The following C2orf74 variants were observed in gnomAD, a reference collection of about 807,000 sequenced individuals.
C2orf74 encodes DPM1 ER membrane anchor 1, also known as uncharacterized protein C2orf74.
In C2orf74, 14 loss-of-function variants were observed where a neutral mutation model predicts 17.9. The ratio of observed to expected loss-of-function variants is 0.78; its 90% CI spans 0.52 to 1.22. The LOEUF (loss-of-function observed/expected upper bound fraction) is 1.22, where lower values mean the gene tolerates loss of function less well. Ranked by LOEUF, C2orf74 falls within the 50% of genes most tolerant of loss-of-function variation. The pLI is 0.00. For synonymous variants in C2orf74, 79 were observed against 72.6 expected, an observed-to-expected ratio of 1.09 and a Z score of -0.44; for missense variants, 217 against 218.4, an observed-to-expected ratio of 0.99 and a Z score of 0.04.
intron 1 of C2orf74, among the ~76,000 whole-genome samples, chr2:61,156,489 A>T (rs969895046): frequency 2.0e-5 from 3 of 152,232 alleles, no homozygotes; most frequent in Non-Finnish European, 4.4e-5. Flanking sequence ...TAAACTTTGA[A>T]AATAAAACAT....
chr2:61,149,605 GT>G (rs1685167952), intron 1 of C2orf74, among the ~76,000 whole-genome samples: 3 of 118,110 alleles, frequency 2.5e-5, no homozygotes, highest in Non-Finnish European at 5.0e-5. Context: ...TTTTGAGACA[GT>G]TTCGCTCTGT....
At chr2:61,146,331 T>A (rs1183999596) in intron 1 of C2orf74, among the ~76,000 whole-genome samples, 1 of 151,968 alleles carries the variant, frequency 6.6e-6, no homozygotes, top group Non-Finnish European at 1.5e-5. Flanking sequence ...TAAATGAGAG[T>A]CATATGATCC....
At chr2:61,146,169 A>G (rs145250323) in intron 1 of C2orf74, among the ~76,000 whole-genome samples, 1 of 152,376 alleles carries the variant, frequency 6.6e-6, no homozygotes, top group East Asian at 1.9e-4. Flanking sequence ...ACTACAGTAC[A>G]TACACACAAT....
upstream of C2orf74, among the ~76,000 whole-genome samples, chr2:61,159,691 T>A (rs918784926): frequency 6.6e-6 from 1 of 152,132 alleles, no homozygotes; most frequent in Non-Finnish European, 1.5e-5. Context: ...GAACAAAGGG[T>A]GGAGATTGAA....
intron 1 of C2orf74, among the ~76,000 whole-genome samples, chr2:61,151,067 C>T (rs746913580): frequency 6.6e-6 from 1 of 152,036 alleles, no homozygotes; most frequent in Non-Finnish European, 1.5e-5. Context: ...CCTGTAATCC[C>T]AGCACTTTGG....
At chr2:61,155,131 T>TA (rs1166563547) in intron 1 of C2orf74, among the ~76,000 whole-genome samples, 1 of 152,130 alleles carries the variant, frequency 6.6e-6, no homozygotes, top group Middle Eastern at 3.2e-3. Context: ...AAGTTCCCAA[T>TA]AAAAATAAGT....
chr2:61,147,970 T>C (rs1351407172), intron 1 of C2orf74, among the ~76,000 whole-genome samples: 2 of 151,686 alleles, frequency 1.3e-5, no homozygotes, highest in African/African-American at 2.4e-5. Flanking sequence ...GGTTTTGCCA[T>C]GTTGCCCAGG....
At chr2:61,164,280 A>G in intron 4 of C2orf74, 74 bp from the exon 5 acceptor site, 3 of 1,263,912 alleles carry the variant, frequency 2.4e-6, no homozygotes, top group Non-Finnish European at 3.2e-6. Context: ...GTGTACATAT[A>G]ACCTGTAATT....
intron 1 of C2orf74, among the ~76,000 whole-genome samples, chr2:61,146,869 G>C (rs893775103): frequency 1.3e-5 from 2 of 151,488 alleles, no homozygotes; most frequent in African/African-American, 2.4e-5. Context: ...AAAAACTGGA[G>C]GCTGGGTGTG....
Position 61,164,436 on chromosome 2 carries a change from T to C in C2orf74, c.473T>C (p.Val158Ala), listed in dbSNP as rs775248295. The C allele has an allele frequency of 3.2e-6, 5 of 1,550,982 alleles. No individual in the cohort carries two copies. Among genetic ancestry groups the C allele is most frequent in the South Asian group, 1.2e-5 (1 of 83,980 alleles). The change falls in exon 5 of 5, where the codon GTG becomes GCG. Residue 158 changes from valine (V) to alanine (A), a missense_variant. Physicochemically the swap from Val to Ala is moderately conservative, Grantham distance 64. Coordinates refer to ENST00000432605, the MANE Select transcript of C2orf74 (RefSeq NM_001143959.4). ...AGCCAAAAAAGACCTTTAAAAGGAG[T>C]GACATTTTCTAGGGAGGTAATTGTT... The part of the protein sequence containing the change: ...VESQKRPLKG[V>A]TFSREVIVVD...
Position 61,164,766 on chromosome 2 carries a change from C to T in C2orf74, c.*239C>T, listed in dbSNP as rs990131741. 8.9e-6 allele frequency: 3 copies of T among 336,866 alleles called. No homozygotes were observed. The South Asian group carries it at 1.8e-4, about 20-fold the overall frequency. The allele number at this position is 336,866 out of a possible 1,614,324, so 20.9% of individuals were successfully genotyped here. ...AGTTCAAGAAATTGATTGTATTGCC[C>T]TTAAAACTATCTACTCAAACACTGT... On this transcript the variant is annotated 3_prime_UTR_variant, in exon 5 of 5. Coordinates refer to ENST00000432605, the MANE Select transcript of C2orf74 (RefSeq NM_001143959.4).
At chr2:61,150,496 T>C (rs1457957832) in intron 1 of C2orf74, among the ~76,000 whole-genome samples, 1 of 152,302 alleles carries the variant, frequency 6.6e-6, no homozygotes, top group African/African-American at 2.4e-5. Flanking sequence ...ATGGGCCTCC[T>C]GGACAGAAAC....
intron 1 of C2orf74, among the ~76,000 whole-genome samples, chr2:61,148,583 T>TTA (rs1466427930): frequency 1.3e-5 from 2 of 152,232 alleles, no homozygotes; most frequent in African/African-American, 4.8e-5. Flanking sequence ...ACACTAATGT[T>TTA]TATTACTCAT....
At chr2:61,162,185 TC>T, upstream of C2orf74, 1 of 296,830 alleles carries the variant, frequency 3.4e-6, no homozygotes, top group Non-Finnish European at 6.2e-6. Flanking sequence ...CTCCAGCTGT[TC>T]CGATTCCTCT....
upstream of C2orf74, among the ~76,000 whole-genome samples, chr2:61,161,342 G>C (rs899708623): frequency 2.6e-5 from 4 of 152,140 alleles, no homozygotes; most frequent in Non-Finnish European, 4.4e-5. Flanking sequence ...TCTCACCATT[G>C]AATATGATGA....
At chr2:61,153,490 G>T (rs1685300779) in intron 1 of C2orf74, among the ~76,000 whole-genome samples, 1 of 151,388 alleles carries the variant, frequency 6.6e-6, no homozygotes, top group Non-Finnish European at 1.5e-5. Context: ...CACCATGTTA[G>T]CCAGGGTGGT....
At chr2:61,149,678 A>C (rs908574184) in intron 1 of C2orf74, among the ~76,000 whole-genome samples, 1 of 149,890 alleles carries the variant, frequency 6.7e-6, no homozygotes, top group Admixed American at 6.8e-5. Flanking sequence ...TCCCAGGTTC[A>C]AGCAATTCTC....
At chr2:61,159,212 G>A, upstream of C2orf74, 2 of 258,782 alleles carry the variant, frequency 7.7e-6, no homozygotes, top group Non-Finnish European at 1.6e-5. Flanking sequence ...TAGCCAGGAT[G>A]GCCTCAATCT....
intron 1 of C2orf74, among the ~76,000 whole-genome samples, chr2:61,157,070 C>A (rs1008733161): frequency 5.3e-5 from 8 of 152,196 alleles, no homozygotes; most frequent in Non-Finnish European, 8.8e-5. Context: ...AAGTCTCACT[C>A]TGTCGCCCAG....
Sources: allele counts gnomAD v4.1 joint callset (sites outside exome capture counted in the v4.1 genomes callset), GRCh38; gene constraint gnomAD v4.1.1; transcripts MANE v1.5; gene names NCBI Gene and HGNC (gene_info 2026-07-23, HGNC 2026-07-21).